Variants in LRRFIP1 observed in about 807,000 individuals in gnomAD.
LRRFIP1 encodes the protein LRR binding FLII interacting protein 1.
Under a neutral mutation model 104.4 loss-of-function variants are expected in LRRFIP1, and 62 were observed. The observed-to-expected ratio is 0.59, with a 90% CI of 0.48 to 0.73. The LOEUF is 0.73. Among genes scored for constraint, LRRFIP1 ranks in the 30% least tolerant of loss-of-function variants. The pLI is 0.00. For missense variants in LRRFIP1, 796 were observed against 824.5 expected (o/e 0.97, Z 0.42); for synonymous variants, 300 against 299.0 (o/e 1.00, Z -0.03).
chr2:237,680,263 G>C (rs909483906), intron 1 of LRRFIP1, among the ~76,000 whole-genome samples: 1 of 152,232 alleles, frequency 6.6e-6, no homozygotes, highest in African/African-American at 2.4e-5. Flanking sequence ...AGGCCAAGAT[G>C]GGAGGGTCGC....
intron 1 of LRRFIP1, among the ~76,000 whole-genome samples, chr2:237,640,170 G>A (rs1045353047): frequency 3.9e-5 from 6 of 152,160 alleles, no homozygotes; most frequent in African/African-American, 1.2e-4. Flanking sequence ...TAGTACAGAG[G>A]GGGCCACATA....
intron 1 of LRRFIP1, among the ~76,000 whole-genome samples, chr2:237,686,230 C>G (rs1180976803): frequency 6.6e-6 from 1 of 152,164 alleles, no homozygotes; most frequent in African/African-American, 2.4e-5. Context: ...AAATTCAGTT[C>G]AATCAATAAT....
chr2:237,727,705 C>G (rs74549684), intron 7 of LRRFIP1, among the ~76,000 whole-genome samples, 171 bp from the exon 8 acceptor site: 2,087 of 152,280 alleles, frequency 0.014, 27 homozygotes, highest in African/African-American at 0.046. Flanking sequence ...GAGCAGACGG[C>G]GGCAGGGATG....
intron 11 of LRRFIP1, among the ~76,000 whole-genome samples, chr2:237,746,768 G>T (rs2057923527): frequency 6.6e-6 from 1 of 152,262 alleles, no homozygotes; most frequent in African/African-American, 2.4e-5. Context: ...AGGGCAGAGA[G>T]CCGTAAGCAG....
chr2:237,760,415 A>G (rs886373680), intron 19 of LRRFIP1, among the ~76,000 whole-genome samples: 6 of 152,264 alleles, frequency 3.9e-5, no homozygotes, highest in South Asian at 2.1e-4. Flanking sequence ...TGCACCATCA[A>G]TGGCTCAAGT....
At chr2:237,768,640 AG>A (rs2060386188) in intron 19 of LRRFIP1, 1 of 152,264 alleles carries the variant, frequency 6.6e-6, no homozygotes, top group South Asian at 2.1e-4. Flanking sequence ...AAATTAAAAT[AG>A]AACTCAAAAG....
rs1559598265 is a variant in LRRFIP1 at position 237,703,406 on chromosome 2, C to T, written c.97-5138C>T. On this transcript the variant is annotated intron_variant, in intron 1 of 23. Coordinates refer to ENST00000308482, the MANE Select transcript of LRRFIP1 (RefSeq NM_001137550.2). This position sits in a 1 kb window ranked among gnomAD's most constrained non-coding sequence, Gnocchi z 4.3. The stretch of plus-strand genomic sequence containing the variant: ...CTGCTCCCCACATTTCTATCAGAGC[C>T]CTGTTTCTAAAACAAAAGTCAGATT... Among the ~76,000 whole-genome samples, 1 of 152,146 alleles carries T rather than the reference C, an allele frequency of 6.6e-6. No homozygotes were observed. Among genetic ancestry groups the T allele is most frequent in the African/African-American group, 2.4e-5 (1 of 41,434 alleles).
At chr2:237,655,266 A>G (rs1287876270) in intron 1 of LRRFIP1, among the ~76,000 whole-genome samples, 1 of 149,058 alleles carries the variant, frequency 6.7e-6, no homozygotes, top group Admixed American at 6.7e-5. Context: ...ATGCATCACC[A>G]TGCCCAGCTA....
chr2:237,728,748 G>T (rs970793965), intron 8 of LRRFIP1, among the ~76,000 whole-genome samples: 1 of 151,054 alleles, frequency 6.6e-6, no homozygotes, highest in East Asian at 1.9e-4. Context: ...TCTTAATTAT[G>T]TTATATTAAG....
At position 237,760,297 on chromosome 2, in the gene LRRFIP1, GATGGGTTA is replaced by G. The variant is rs2059725302; in HGVS notation, c.1459+94_1459+101del. 5.7e-6 allele frequency: 8 copies of G among 1,407,172 alleles called. No homozygotes were observed. In the Admixed American group the frequency reaches 1.5e-4, roughly 26 times the overall value. The allele number at this position is 1,407,172 out of a possible 1,614,324, so 87.2% of individuals were successfully genotyped here. A position where few individuals can be genotyped will look rare whatever the true frequency, so the allele number is the denominator to read the frequency against. On this transcript the variant is annotated intron_variant, in intron 19 of 23. Coordinates refer to ENST00000308482, the MANE Select transcript of LRRFIP1 (RefSeq NM_001137550.2). ...TGCTGGGGTTGGAGCCACCGTCGCT[GATGGGTTA>G]ACAGTCACCAGCATGCCATTTGTTT...
chr2:237,739,258 C>T lies in LRRFIP1; in HGVS notation c.582C>T (p.Asn194=), dbSNP rs894335444. 3 of 1,565,794 alleles carry T rather than the reference C, an allele frequency of 1.9e-6. No individual in the cohort carries two copies. Among genetic ancestry groups the T allele is most frequent in the Non-Finnish European group, 2.6e-6 (3 of 1,155,470 alleles). ...CCTCGGAGTACAGCGGCCACCTCAACTCCAGCTCCCGCGCCTCCTCCAGGG... is the reference window on the plus strand; with the variant it reads ...CCTCGGAGTACAGCGGCCACCTCAATTCCAGCTCCCGCGCCTCCTCCAGGG... The part of the protein sequence containing the change: ...RAPSEYSGHL[N]SSSRASSRAS... The change falls in exon 11 of 24, where the codon AAC becomes AAT. Residue 194 remains asparagine (N), a synonymous_variant. Coordinates refer to ENST00000308482, the MANE Select transcript of LRRFIP1 (RefSeq NM_001137550.2).
At chr2:237,670,652 G>A (rs2090189130) in intron 1 of LRRFIP1, among the ~76,000 whole-genome samples, 1 of 152,228 alleles carries the variant, frequency 6.6e-6, no homozygotes, top group African/African-American at 2.4e-5. Context: ...AGCACTCGGT[G>A]GCAGTCTAAG....
At chr2:237,772,464 G>A in intron 21 of LRRFIP1, 1 of 466,858 alleles carries the variant, frequency 2.1e-6, no homozygotes, top group East Asian at 3.5e-5. Context: ...TTACTTTGCT[G>A]GATACAGCAA....
chr2:237,651,271 G>A (rs1009418219), intron 1 of LRRFIP1, among the ~76,000 whole-genome samples: 9 of 152,104 alleles, frequency 5.9e-5, no homozygotes, highest in Admixed American at 1.3e-4. Flanking sequence ...CACATTCCAG[G>A]TGCAGGGTCA....
intron 1 of LRRFIP1, among the ~76,000 whole-genome samples, chr2:237,666,915 GCTTTCTTTCTTTCTTT>G (rs144037636): frequency 3.9e-4 from 57 of 144,918 alleles, no homozygotes; most frequent in East Asian, 8.2e-4. Flanking sequence ...CTGCCTTCCT[GCTTTCTTTCTTTCTTT>G]CTTTCTTTCT....
intron 1 of LRRFIP1, among the ~76,000 whole-genome samples, chr2:237,702,303 C>CT (rs2093580843): frequency 1.3e-5 from 2 of 152,174 alleles, no homozygotes; most frequent in African/African-American, 2.4e-5. Flanking sequence ...TAAATGGAAT[C>CT]TTTTTTTCCC....
rs1267058302 is a variant in LRRFIP1 at position 237,735,376 on chromosome 2, G to T, written c.555+43G>T. The T allele has an allele frequency of 6.3e-7, 1 of 1,588,770 alleles. No individual in the cohort carries two copies. On this transcript the variant is annotated intron_variant, in intron 10 of 23. Coordinates refer to ENST00000308482, the MANE Select transcript of LRRFIP1 (RefSeq NM_001137550.2). The surrounding 1 kb of genome is among the most constrained non-coding windows in gnomAD (Gnocchi z 4.6). ...ATACCTCCTTTCCCCCGTGCCTGCT[G>T]CATGGCCTGGGGATGCTCGCTGGGC...
At chr2:237,631,477 G>T (rs2082330585) in intron 1 of LRRFIP1, among the ~76,000 whole-genome samples, 1 of 152,170 alleles carries the variant, frequency 6.6e-6, no homozygotes, top group Non-Finnish European at 1.5e-5. Context: ...CTGTATTATC[G>T]CAAGTCAATT....
intron 11 of LRRFIP1, 110 bp from the exon 12 acceptor site, chr2:237,748,254 A>G (rs1270311477): frequency 4.6e-6 from 4 of 876,628 alleles, no homozygotes; most frequent in Non-Finnish European, 7.4e-6. Flanking sequence ...TCTAAATTAC[A>G]AAGGAAGCAA....
Sources: gnomAD v4.1 joint callset for allele counts (sites outside exome capture counted in the v4.1 genomes callset) on GRCh38, gnomAD v4.1.1 for gene constraint, Gnocchi (gnomAD v3.1) non-coding constraint, MANE v1.5 for transcripts, NCBI Gene and HGNC (gene_info 2026-07-23, HGNC 2026-07-21) for gene names.